The following DYRK3 variants were observed in gnomAD, a reference collection of about 807,000 sequenced individuals.
The protein encoded by DYRK3 is dual specificity tyrosine phosphorylation regulated kinase 3, also known as dual specificity tyrosine-phosphorylation-regulated kinase 3.
In DYRK3, 30 loss-of-function variants were observed where a neutral mutation model predicts 40.8. The ratio of observed to expected loss-of-function variants is 0.74; its 90% CI spans 0.55 to 1.00. The LOEUF is 1.00. Ranked by LOEUF, DYRK3 falls within the 50% of genes least tolerant of loss-of-function variation. DYRK3 has a pLI of 0.00. For missense variants in DYRK3, 699 were observed against 731.5 expected (o/e 0.96, Z 0.51); for synonymous variants, 272 against 260.7 (o/e 1.04, Z -0.42).
chr1:206,636,151 G>T (rs781858178), intron 1 of DYRK3: 1 of 1,054,692 alleles, frequency 9.5e-7, no homozygotes, highest in Non-Finnish European at 1.4e-6. Context: ...AAGCCCTGTT[G>T]CTTAGAGCGG....
At chr1:206,646,564 A>G (rs1671461151) in intron 2 of DYRK3, among the ~76,000 whole-genome samples, 1 of 152,214 alleles carries the variant, frequency 6.6e-6, no homozygotes, top group South Asian at 2.1e-4. Flanking sequence ...AGATGATCTC[A>G]AAAGTTCTCT....
Position 206,649,838 on chromosome 1 carries a change from C to T in DYRK3, c.*873C>T, listed in dbSNP as rs1254222367. Among the ~76,000 whole-genome samples, 3 of 152,068 alleles carry T rather than the reference C, an allele frequency of 2.0e-5. No homozygotes were observed. Among genetic ancestry groups the T allele is most frequent in the Non-Finnish European group, 2.9e-5 (2 of 68,024 alleles). On this transcript the variant is annotated 3_prime_UTR_variant, in exon 3 of 3. Transcript: ENST00000367109. Reference sequence around the variant, plus strand: ...TGCTGCATTTTCATAGAATCTCTTCCTTATAAAAGTAATCACTCTCGGATA... The same window carrying T: ...TGCTGCATTTTCATAGAATCTCTTCTTTATAAAAGTAATCACTCTCGGATA...
In DYRK3 at chr1:206,649,857, T is replaced by G. The variant is rs1671584556; in HGVS notation, c.*892T>G. ...CTCTTCCTTATAAAAGTAATCACTC[T>G]CGGATAAACCTTACTACAGTTTAAA... On this transcript the variant is annotated 3_prime_UTR_variant, in exon 3 of 3. Coordinates refer to ENST00000367109, the MANE Select transcript of DYRK3 (RefSeq NM_003582.4). 6.6e-6 allele frequency among the ~76,000 whole-genome samples: 1 copy of G among 152,220 alleles called. No homozygotes were observed. Among genetic ancestry groups the G allele is most frequent in the Non-Finnish European group, 1.5e-5 (1 of 68,040 alleles).
chr1:206,644,193 C>T (rs1671383899), intron 2 of DYRK3, among the ~76,000 whole-genome samples: 1 of 151,990 alleles, frequency 6.6e-6, no homozygotes, highest in Non-Finnish European at 1.5e-5. Context: ...CACTACCACA[C>T]CTGGCTAATT....
Position 206,647,624 on chromosome 1 carries a change from T to C in DYRK3, c.426T>C (p.Thr142=). 6.2e-7 allele frequency: 1 copy of C among 1,614,138 alleles called. No homozygotes were observed. Among genetic ancestry groups the C allele is most frequent in the Non-Finnish European group, 8.5e-7 (1 of 1,180,022 alleles). ...AGGCACCCAAAGTGGTGCCTCTGAC[T>C]CCAGAACAAGCCCTGAAGCAATATA... The part of the protein sequence containing the change: ...SSKAPKVVPL[T]PEQALKQYKH... The change falls in exon 3 of 3, where the codon ACT becomes ACC. Residue 142 remains threonine, a synonymous_variant. Transcript: ENST00000367109.
chr1:206,639,613 C>T (rs575654579), intron 2 of DYRK3, among the ~76,000 whole-genome samples: 1 of 152,056 alleles, frequency 6.6e-6, no homozygotes, highest in South Asian at 2.1e-4. Flanking sequence ...AGGCACCAAC[C>T]AACATGCCTG....
chr1:206,649,212 G>C lies in DYRK3; in HGVS notation c.*247G>C. The C allele has an allele frequency of 2.2e-6, 1 of 447,926 alleles. No individual in the cohort carries two copies. The highest frequency in any genetic ancestry group is 4.0e-6 in the Non-Finnish European group (1 of 250,956). 27.7% of individuals were successfully genotyped at this position (447,926 alleles called of 1,614,324 possible). A position where few individuals can be genotyped will look rare whatever the true frequency, so the allele number is the denominator to read the frequency against. On this transcript the variant is annotated 3_prime_UTR_variant, in exon 3 of 3. Transcript: ENST00000367109. Reference sequence around the variant, plus strand: ...AGGTCAATGCATCTTTGTTATTATCGTCAGATGTATTTCAACTGATGTATT... The same window carrying C: ...AGGTCAATGCATCTTTGTTATTATCCTCAGATGTATTTCAACTGATGTATT...
rs998617793 is a variant in DYRK3, at chr1:206,654,986, T to A, written c.*6021T>A. On this transcript the variant is annotated 3_prime_UTR_variant, in exon 3 of 3. Coordinates refer to ENST00000367109, the MANE Select transcript of DYRK3 (RefSeq NM_003582.4). ...GACCTGTGGCTATTTCAGCTCAGAA[T>A]GTCAGCCTCTGAAGCATCAGGTTTG... Among the ~76,000 whole-genome samples, 23 of 152,338 alleles carry A rather than the reference T, an allele frequency of 1.5e-4. 1 individual carries two copies. Among genetic ancestry groups the A allele is most frequent in the African/African-American group, 5.5e-4 (23 of 41,584 alleles).
At chr1:206,639,449 T>C (rs540162785) in intron 2 of DYRK3, among the ~76,000 whole-genome samples, 2 of 150,362 alleles carry the variant, frequency 1.3e-5, no homozygotes, top group South Asian at 4.2e-4. Context: ...CATCTGACTT[T>C]AAGTCATTTT....
rs1671552006 is a variant in DYRK3 at position 206,648,929 on chromosome 1, AC to A, written c.1735del (p.Leu579TyrfsTer8). The A allele has an allele frequency of 2.5e-6, 4 of 1,613,930 alleles. No homozygotes were observed. The highest frequency in any genetic ancestry group is 3.4e-6 in the Non-Finnish European group (4 of 1,179,988). On this transcript the variant is annotated frameshift_variant, in exon 3 of 3. Transcript: ENST00000367109. LOFTEE classifies it high-confidence loss of function. ...NLMSETNGSI[P>X]LCSVLPKLIS ...TAATGTCAGAAACCAATGGTAGTAT[AC>A]CCCTATGCAGTGTATTGCCAAAACT... is the stretch of plus-strand genomic sequence containing the variant.
rs1163987953 is a variant in DYRK3 at position 206,652,845 on chromosome 1, T to C, written c.*3880T>C. On this transcript the variant is annotated 3_prime_UTR_variant, in exon 3 of 3. Transcript: ENST00000367109. ...TTAGTACAGAAATTCAGACTGTCTC[T>C]TCCTCAGTTACTGGATTGTTCTTTA... Among the ~76,000 whole-genome samples the C allele has an allele frequency of 6.6e-6, 1 of 152,228 alleles. No individual in the cohort carries two copies. The highest frequency in any genetic ancestry group is 1.5e-5 in the Non-Finnish European group (1 of 68,042).
rs1553420452 is a variant in DYRK3, at chr1:206,647,908, T to A, written c.710T>A (p.Leu237Gln). The change falls in exon 3 of 3, where the codon CTA becomes CAA. Residue 237 changes from leucine to glutamine, a missense_variant. By Grantham distance (113) the Leu-to-Gln change is moderately radical. Coordinates refer to ENST00000367109, the MANE Select transcript of DYRK3 (RefSeq NM_003582.4). ...CACAAACTTCGACAGTACGTGGCCC[T>A]AAAAATGGTGCGCAATGAGAAGCGC... Reference protein sequence around the residue: ...YDHKLRQYVALKMVRNEKRFH... With the variant: ...YDHKLRQYVAQKMVRNEKRFH... The A allele has an allele frequency of 6.2e-7, 1 of 1,614,044 alleles. No homozygotes were observed. Among genetic ancestry groups the A allele is most frequent in the African/African-American group, 1.3e-5 (1 of 74,992 alleles).
chr1:206,650,312 A>G lies in DYRK3; in HGVS notation c.*1347A>G, dbSNP rs1671599477. Among the ~76,000 whole-genome samples the G allele has an allele frequency of 6.6e-6, 1 of 152,234 alleles. No individual in the cohort carries two copies. The highest frequency in any genetic ancestry group is 6.5e-5 in the Admixed American group (1 of 15,284). The stretch of plus-strand genomic sequence containing the variant: ...TGGGTATTAGTGGCTCATGCCTGTA[A>G]TCCCAGCACTTTGGGAGGCTGAGGT... On this transcript the variant is annotated 3_prime_UTR_variant, in exon 3 of 3. Coordinates refer to ENST00000367109, the MANE Select transcript of DYRK3 (RefSeq NM_003582.4).
At chr1:206,637,788 C>T (rs1671161060) in intron 2 of DYRK3, 27 bp downstream of exon 2, 1 of 1,557,388 alleles carries the variant, frequency 6.4e-7, no homozygotes, top group Non-Finnish European at 8.9e-7. Flanking sequence ...ATTCTTTGTA[C>T]ATGAATTGTT....
At chr1:206,645,000 GT>G (rs1164391141) in intron 2 of DYRK3, among the ~76,000 whole-genome samples, 3 of 152,106 alleles carry the variant, frequency 2.0e-5, no homozygotes, top group Admixed American at 2.0e-4. Context: ...CCTTGACTTT[GT>G]TTAAGATCAT....
intron 2 of DYRK3, 85 bp downstream of exon 2, chr1:206,637,846 C>A: frequency 1.0e-6 from 1 of 993,068 alleles, no homozygotes; most frequent in Non-Finnish European, 1.5e-6. Flanking sequence ...ACTTATGTAT[C>A]ACTGACAACC....
rs544503268 is a variant in DYRK3, at chr1:206,654,528, A to T, written c.*5563A>T. 6.6e-6 allele frequency among the ~76,000 whole-genome samples: 1 copy of T among 152,216 alleles called. No homozygotes were observed. The highest frequency in any genetic ancestry group is 1.5e-5 in the Non-Finnish European group (1 of 68,038). ...AATATATTTTTAATATCCCCATTTTAACATACTCCATTTTCACCTTCAACC... is the reference window on the plus strand; with the variant it reads ...AATATATTTTTAATATCCCCATTTTTACATACTCCATTTTCACCTTCAACC... On this transcript the variant is annotated 3_prime_UTR_variant, in exon 3 of 3. Coordinates refer to ENST00000367109, the MANE Select transcript of DYRK3 (RefSeq NM_003582.4).
At chr1:206,641,901 C>T (rs1330226237) in intron 2 of DYRK3, among the ~76,000 whole-genome samples, 7 of 150,520 alleles carry the variant, frequency 4.7e-5, no homozygotes, top group East Asian at 2.0e-4. Context: ...CCAAATGCAA[C>T]GGCAACAAAA....
At position 206,651,897 on chromosome 1, in the gene DYRK3, G is replaced by A. The variant is rs534359289; in HGVS notation, c.*2932G>A. 6.6e-6 allele frequency among the ~76,000 whole-genome samples: 1 copy of A among 152,308 alleles called. No homozygotes were observed. Among genetic ancestry groups the A allele is most frequent in the East Asian group, 1.9e-4 (1 of 5,190 alleles). On this transcript the variant is annotated 3_prime_UTR_variant, in exon 3 of 3. Coordinates refer to ENST00000367109, the MANE Select transcript of DYRK3 (RefSeq NM_003582.4). The stretch of plus-strand genomic sequence containing the variant: ...ACATTAGCAGCCTGTTCCCACTCAG[G>A]TGCTGTCCAAGGCACATGTTTCCTT...
Sources: allele counts gnomAD v4.1 joint callset (sites outside exome capture counted in the v4.1 genomes callset), GRCh38; gene constraint gnomAD v4.1.1; transcripts MANE v1.5; gene names NCBI Gene and HGNC (gene_info 2026-07-23, HGNC 2026-07-21).